RBKS: variants seen among roughly 807,000 people sequenced by gnomAD.
RBKS encodes ribokinase.
A neutral mutation model predicts 33.9 loss-of-function variants in RBKS; 33 were observed. The observed-to-expected ratio is 0.97, with a 90% CI of 0.74 to 1.30. RBKS has a LOEUF of 1.30. RBKS is among the 50% of genes most tolerant of loss of function. The pLI is 0.00. For missense variants in RBKS, 361 were observed against 392.6 expected (o/e 0.92, Z 0.68); for synonymous variants, 125 against 143.0 (o/e 0.87, Z 0.90).
In RBKS at chr2:27,832,772, T is replaced by A; in HGVS notation, c.520A>T (p.Thr174Ser). 6.2e-7 allele frequency: 1 copy of A among 1,603,858 alleles called. No individual in the cohort carries two copies. The highest frequency in any genetic ancestry group is 8.5e-7 in the Non-Finnish European group (1 of 1,170,788). Residue 174 changes from threonine to serine, a missense_variant, in exon 6 of 8, where the codon ACC (threonine) becomes TCC (serine). Transcript: ENST00000302188. ...ATGGCAGGGGCTGGATTGAACAAGG[T>A]TTTCACTACAAAGGAATGGAAAAGG... is the stretch of plus-strand genomic sequence containing the variant. ...LTMARRSGVKTLFNPAPAIAD... is the reference protein window; with the variant it reads ...LTMARRSGVKSLFNPAPAIAD...
intron 5 of RBKS, among the ~76,000 whole-genome samples, chr2:27,840,017 CTTCT>C (rs1663447229): frequency 1.3e-5 from 2 of 148,686 alleles, no homozygotes; most frequent in Non-Finnish European, 3.0e-5. Context: ...TACCACTCTT[CTTCT>C]TTTTTTTTTT....
chr2:27,796,121 T>C (rs1352749296), intron 7 of RBKS, among the ~76,000 whole-genome samples: 1 of 152,240 alleles, frequency 6.6e-6, no homozygotes, highest in Non-Finnish European at 1.5e-5. Context: ...TTACTTGACA[T>C]TCTCATTGTT....
intron 7 of RBKS, among the ~76,000 whole-genome samples, chr2:27,786,127 A>G (rs1241513542): frequency 6.6e-6 from 1 of 152,234 alleles, no homozygotes; most frequent in African/African-American, 2.4e-5. Flanking sequence ...ACAAATACCT[A>G]TCTATATGAG....
chr2:27,790,278 C>A (rs933806025), intron 7 of RBKS, among the ~76,000 whole-genome samples: 3 of 152,020 alleles, frequency 2.0e-5, no homozygotes, highest in Non-Finnish European at 4.4e-5. Context: ...AGAACACAAA[C>A]CCTTACCTCA....
chr2:27,860,370 T>C (rs916460844), intron 1 of RBKS, among the ~76,000 whole-genome samples: 1 of 152,168 alleles, frequency 6.6e-6, no homozygotes, highest in African/African-American at 2.4e-5. Context: ...GGCTTACTGA[T>C]GCTGCTACAA....
intron 7 of RBKS, among the ~76,000 whole-genome samples, chr2:27,786,411 C>A (rs1677401130): frequency 6.6e-6 from 1 of 152,200 alleles, no homozygotes; most frequent in South Asian, 2.1e-4. Flanking sequence ...TCTGGCATTG[C>A]CGATAGAAAT....
chr2:27,799,348 C>T (rs758059142), intron 7 of RBKS, among the ~76,000 whole-genome samples: 4 of 152,146 alleles, frequency 2.6e-5, no homozygotes, highest in Non-Finnish European at 4.4e-5. Flanking sequence ...GTTAGGAATC[C>T]GTACCCACGC....
chr2:27,847,805 T>C (rs1254523123), intron 3 of RBKS, among the ~76,000 whole-genome samples: 1 of 152,252 alleles, frequency 6.6e-6, no homozygotes, highest in Non-Finnish European at 1.5e-5. Context: ...TTGTCACATG[T>C]TCATGAGATG....
rs183363995 is a variant in RBKS, at chr2:27,789,075, T to C, written c.796-7287A>G. Among the ~76,000 whole-genome samples the C allele has an allele frequency of 4.7e-4, 72 of 152,322 alleles. 1 individual carries two copies. The highest frequency in any genetic ancestry group is 1.6e-3 in the African/African-American group (65 of 41,572). ...AAGAACAAAGTTTCCAGGCTTACCA[T>C]AAGCTACAGTAATTAGACAGAGAGA... On this transcript the variant is annotated intron_variant, in intron 7 of 7. Transcript: ENST00000302188.
At chr2:27,870,812 G>A (rs1384803898) in intron 1 of RBKS, 9 of 465,446 alleles carry the variant, frequency 1.9e-5, no homozygotes, top group Middle Eastern at 3.2e-4. Context: ...ATGTAATCAC[G>A]CAAAGACTTG....
chr2:27,863,078 G>T (rs1417848569), intron 1 of RBKS, among the ~76,000 whole-genome samples: 1 of 151,920 alleles, frequency 6.6e-6, no homozygotes, highest in Non-Finnish European at 1.5e-5. Flanking sequence ...AAAGGAAACA[G>T]TATTAGTAGA....
intron 1 of RBKS, among the ~76,000 whole-genome samples, chr2:27,858,870 A>G (rs1035760492): frequency 2.6e-5 from 4 of 152,192 alleles, no homozygotes; most frequent in Non-Finnish European, 5.9e-5. Flanking sequence ...TCTCTTTCTT[A>G]ATGCCAGCAC....
intron 5 of RBKS, among the ~76,000 whole-genome samples, chr2:27,842,340 T>C (rs537391875): frequency 1.4e-4 from 21 of 152,354 alleles, no homozygotes; most frequent in African/African-American, 4.8e-4. Context: ...TGTACAATTC[T>C]GCTGCTTTTG....
At chr2:27,829,120 C>T (rs1198385349) in intron 6 of RBKS, among the ~76,000 whole-genome samples, 1 of 152,122 alleles carries the variant, frequency 6.6e-6, no homozygotes, top group African/African-American at 2.4e-5. Flanking sequence ...GTCTCAAACT[C>T]CTGGGTTCAT....
chr2:27,849,495 G>A (rs1663690094), intron 2 of RBKS, among the ~76,000 whole-genome samples: 1 of 143,728 alleles, frequency 7.0e-6, no homozygotes, highest in Non-Finnish European at 1.5e-5. Context: ...AGGAGGCGGA[G>A]GTTGCAGTAA....
At position 27,855,474 on chromosome 2, in the gene RBKS, G is replaced by A. The variant is rs116363917; in HGVS notation, c.222+2965C>T. 7.9e-3 allele frequency among the ~76,000 whole-genome samples: 1,202 copies of A among 152,254 alleles called. 12 individuals carry two copies. Among genetic ancestry groups the A allele is most frequent in the African/African-American group, 0.027 (1,132 of 41,544 alleles). On this transcript the variant is annotated intron_variant, in intron 2 of 7. Transcript: ENST00000302188. The stretch of plus-strand genomic sequence containing the variant: ...TGAACTGCCAACTTTTGATGTTTAG[G>A]AATAACTTCCTCTTCTTAACATTTG...
intron 3 of RBKS, 137 bp from the exon 4 acceptor site, chr2:27,847,241 T>C: frequency 3.6e-6 from 2 of 553,852 alleles, no homozygotes; most frequent in Non-Finnish European, 3.2e-6. Flanking sequence ...AAAAAATAAG[T>C]AATTAGTGCT....
chr2:27,809,650 A>G (rs1397982243), intron 7 of RBKS: 3 of 278,850 alleles, frequency 1.1e-5, no homozygotes, highest in South Asian at 3.5e-5. Context: ...AGTTAATCCA[A>G]TAGGACTTAG....
chr2:27,881,063 CAACA>C (rs1553381741), intron 1 of RBKS, among the ~76,000 whole-genome samples: 2 of 147,922 alleles, frequency 1.4e-5, no homozygotes, highest in East Asian at 2.0e-4. Flanking sequence ...ACCAACCAAC[CAACA>C]AACAAACAAA....
Sources: allele counts gnomAD v4.1 joint callset (sites outside exome capture counted in the v4.1 genomes callset), GRCh38; gene constraint gnomAD v4.1.1; transcripts MANE v1.5; gene names NCBI Gene and HGNC (gene_info 2026-07-23, HGNC 2026-07-21).